Variants in SCARA3 observed in about 807,000 individuals in gnomAD.
SCARA3 encodes scavenger receptor class A member 3.
Under a neutral mutation model 47.0 loss-of-function variants are expected in SCARA3, and 39 were observed. That is an observed-to-expected ratio of 0.83 (90% CI 0.64 to 1.08). The LOEUF (loss-of-function observed/expected upper bound fraction) is 1.08. Among genes scored for constraint, SCARA3 ranks in the 50% least tolerant of loss-of-function variants. SCARA3 has a pLI of 0.00. For missense variants in SCARA3, 724 were observed against 792.3 expected (o/e 0.91, Z 1.04); for synonymous variants, 356 against 334.1 (o/e 1.07, Z -0.71).
At chr8:27,727,403 A>C in the SCARA3 span, among the ~76,000 whole-genome samples, 20 of 152,190 alleles carry the variant, frequency 1.3e-4, no homozygotes, top group African/African-American at 4.1e-4. Flanking sequence ...GCGCGCCGAG[A>C]CCAGGGTTTA....
intron 3 of SCARA3, among the ~76,000 whole-genome samples, chr8:27,653,769 A>G (rs1353618532): frequency 6.6e-6 from 1 of 152,160 alleles, no homozygotes; most frequent in Non-Finnish European, 1.5e-5. Context: ...ACCAAGAACT[A>G]TATTCTATAC....
the SCARA3 span, among the ~76,000 whole-genome samples, chr8:27,719,810 C>A: frequency 6.6e-6 from 1 of 152,022 alleles, no homozygotes; most frequent in Non-Finnish European, 1.5e-5. Context: ...CTTTAAAGAC[C>A]CAATCCTCCT....
At chr8:27,725,769 G>T in the SCARA3 span, among the ~76,000 whole-genome samples, 2 of 152,190 alleles carry the variant, frequency 1.3e-5, no homozygotes, top group Admixed American at 6.5e-5. Flanking sequence ...GAAGAGTTGG[G>T]GGGTCTTGCC....
At chr8:27,675,131 C>T (rs961806151), downstream of SCARA3, among the ~76,000 whole-genome samples, 1 of 152,182 alleles carries the variant, frequency 6.6e-6, no homozygotes, top group Non-Finnish European at 1.5e-5. Context: ...ACTCCTTTCA[C>T]CCTGGCGACC....
chr8:27,718,129 A>G, the SCARA3 span, among the ~76,000 whole-genome samples: 1 of 152,172 alleles, frequency 6.6e-6, no homozygotes, highest in South Asian at 2.1e-4. Context: ...GCTTCTCTAC[A>G]ACCTGGTGAG....
chr8:27,675,863 G>A (rs1436988941), downstream of SCARA3, among the ~76,000 whole-genome samples: 3 of 151,782 alleles, frequency 2.0e-5, no homozygotes, highest in Admixed American at 6.6e-5. Flanking sequence ...AATCAGGGAC[G>A]CGGTGGGATG....
In SCARA3 at chr8:27,671,042, C is replaced by CA. The variant is rs1802139151; in HGVS notation, c.1512_1513insA (p.Gly505ArgfsTer78). ...GTCCTCAGGGGCAACCTGGAGAGGC[C>CA]GGGCCTGTGGGAGAAAGGGGCCCTG... On this transcript the variant is annotated frameshift_variant, in exon 6 of 6. Transcript: ENST00000301904. LOFTEE classifies it high-confidence loss of function. 12 of 1,612,370 alleles carry CA rather than the reference C, an allele frequency of 7.4e-6. No individual in the cohort carries two copies. The Admixed American group carries it at 2.0e-4, about 27-fold the overall frequency.
the SCARA3 span, among the ~76,000 whole-genome samples, chr8:27,728,568 G>A: frequency 6.6e-6 from 1 of 152,200 alleles, no homozygotes; most frequent in African/African-American, 2.4e-5. Context: ...AGGGGCCGTC[G>A]CTGGGGAAGA....
the SCARA3 span, chr8:27,703,844 C>CTTTTTTTCTT: frequency 1.8e-5 from 1 of 54,524 alleles, no homozygotes. Flanking sequence ...GTGCTTTCTA[C>CTTTTTTTCTT]TTTTTTTTTT....
intron 5 of SCARA3, among the ~76,000 whole-genome samples, chr8:27,668,727 A>G (rs1362881362): frequency 6.6e-6 from 1 of 152,090 alleles, no homozygotes; most frequent in African/African-American, 2.4e-5. Context: ...ATCAGCTGGC[A>G]TGGTGGCATG....
chr8:27,652,654 T>C (rs2128918909), intron 3 of SCARA3, among the ~76,000 whole-genome samples: 1 of 152,258 alleles, frequency 6.6e-6, no homozygotes, highest in South Asian at 2.1e-4. Flanking sequence ...TAGACACAAG[T>C]CGTCTTCCAG....
At position 27,672,381 on chromosome 8, in the gene SCARA3, G is replaced by T. The variant is rs970747058; in HGVS notation, c.*1030G>T. ...ATGGGAGACAGAGGCAGGCCAGAAG[G>T]TTCTCTCTGCACAGCTGCCTCCCTT... On this transcript the variant is annotated 3_prime_UTR_variant, in exon 6 of 6. Coordinates refer to ENST00000301904, the MANE Select transcript of SCARA3 (RefSeq NM_016240.3). The T allele has an allele frequency of 1.1e-5, 11 of 985,440 alleles. No individual in the cohort carries two copies. Among genetic ancestry groups the T allele is most frequent in the East Asian group, 2.3e-4 (2 of 8,810 alleles). 61.0% of individuals were successfully genotyped at this position (985,440 alleles called of 1,614,324 possible). A position where few individuals can be genotyped will look rare whatever the true frequency, so the allele number is the denominator to read the frequency against.
downstream of SCARA3, among the ~76,000 whole-genome samples, chr8:27,675,481 C>T (rs1802260647): frequency 1.3e-5 from 2 of 152,130 alleles, no homozygotes; most frequent in African/African-American, 2.4e-5. Context: ...TTGAACACTT[C>T]CAAGTGCAAG....
Position 27,671,174 on chromosome 8 carries a change from A to C in SCARA3, c.1644A>C (p.Pro548=). ...GPKGDIGPPG[P]EGPPGSPGPS... The stretch of plus-strand genomic sequence containing the variant: ...AAGGGGACATAGGGCCCCCAGGGCC[A>C]GAAGGGCCCCCGGGGTCTCCAGGGC... Residue 548 remains proline (P), a synonymous_variant, in exon 6 of 6, where the codon CCA becomes CCC. Transcript: ENST00000301904. 1 of 1,524,072 alleles carries C rather than the reference A, an allele frequency of 6.6e-7. No homozygotes were observed. Among genetic ancestry groups the C allele is most frequent in the Non-Finnish European group, 8.8e-7 (1 of 1,139,928 alleles). 94.4% of individuals were successfully genotyped at this position (1,524,072 alleles called of 1,614,324 possible).
the SCARA3 span, among the ~76,000 whole-genome samples, chr8:27,726,204 C>T: frequency 6.6e-6 from 1 of 152,142 alleles, no homozygotes; most frequent in Non-Finnish European, 1.5e-5. Context: ...CCCAGGAGTT[C>T]AAGACCAGCC....
chr8:27,683,710 A>G, the SCARA3 span, among the ~76,000 whole-genome samples: 3 of 152,158 alleles, frequency 2.0e-5, no homozygotes, highest in Admixed American at 6.5e-5. Context: ...ACTCATACCA[A>G]CTTTACTCAT....
chr8:27,683,275 A>G, the SCARA3 span, among the ~76,000 whole-genome samples: 1 of 152,206 alleles, frequency 6.6e-6, no homozygotes, highest in Non-Finnish European at 1.5e-5. Context: ...AACCTAGGGC[A>G]GAAGTGGTGT....
chr8:27,673,440 G>A (rs543482118), downstream of SCARA3, among the ~76,000 whole-genome samples: 9 of 152,370 alleles, frequency 5.9e-5, no homozygotes, highest in South Asian at 8.3e-4. Context: ...TGCGGATTAC[G>A]GAAGAGGACA....
At position 27,670,991 on chromosome 8, in the gene SCARA3, C is replaced by A; in HGVS notation, c.1461C>A (p.Gly487=). The change falls in exon 6 of 6, where the codon GGC becomes GGA. Residue 487 remains glycine, a synonymous_variant. Transcript: ENST00000301904. ...VGGRGPKGDP[G]SLGPLGPQGP... Reference sequence around the variant, plus strand: ...GCAGAGGCCCGAAAGGAGACCCCGGCAGCTTGGGCCCCCTGGGACCCCAGG... The same window carrying A: ...GCAGAGGCCCGAAAGGAGACCCCGGAAGCTTGGGCCCCCTGGGACCCCAGG... The A allele has an allele frequency of 1.2e-6, 2 of 1,608,416 alleles. No individual in the cohort carries two copies. The highest frequency in any genetic ancestry group is 1.1e-5 in the South Asian group (1 of 90,474).
Sources: gnomAD v4.1 joint callset for allele counts (sites outside exome capture counted in the v4.1 genomes callset) on GRCh38, gnomAD v4.1.1 for gene constraint, MANE v1.5 for transcripts, NCBI Gene and HGNC (gene_info 2026-07-23, HGNC 2026-07-21) for gene names.